NLGN1: variants seen among roughly 807,000 people sequenced by gnomAD.
NLGN1 encodes the protein neuroligin 1, also known as neuroligin-1.
Under a neutral mutation model 65.5 loss-of-function variants are expected in NLGN1, and 12 were observed. The observed-to-expected ratio is 0.18, with a 90% CI of 0.12 to 0.30. The LOEUF (loss-of-function observed/expected upper bound fraction) is 0.30, where lower values mean the gene tolerates loss of function less well. Ranked by LOEUF, NLGN1 falls within the 10% of genes least tolerant of loss-of-function variation. NLGN1 has a pLI of 1.00. For synonymous variants in NLGN1, 350 were observed against 359.5 expected (o/e 0.97, Z 0.30); for missense variants, 750 against 1,007.1 (o/e 0.74, Z 3.46).
In NLGN1 at chr3:173,479,086, T is replaced by C. The variant is rs147093180; in HGVS notation, c.-321+44008T>C. Among the ~76,000 whole-genome samples, 712 of 152,220 alleles carry C rather than the reference T, an allele frequency of 4.7e-3. 22 individuals carry two copies. The highest frequency in any genetic ancestry group is 0.042 in the Admixed American group (644 of 15,280). ...GAAATAGGTAAAACAGGATATACTA[T>C]AAAAGATGTCTGTGTTTGTTTGTTA... On this transcript the variant is annotated intron_variant, in intron 2 of 6. Coordinates refer to ENST00000457714, the Ensembl canonical transcript of NLGN1.
intron 3 of NLGN1, among the ~76,000 whole-genome samples, chr3:173,771,538 T>G (rs1779571789): frequency 6.6e-6 from 1 of 152,176 alleles, no homozygotes; most frequent in Non-Finnish European, 1.5e-5. Context: ...ACTTCTTGAG[T>G]GAACAAGTAC....
chr3:173,448,932 A>G lies in NLGN1; in HGVS notation c.-321+13854A>G, dbSNP rs1392925027. Among the ~76,000 whole-genome samples the G allele has an allele frequency of 2.0e-5, 3 of 151,730 alleles. No homozygotes were observed. In the East Asian group the frequency reaches 5.8e-4, roughly 29 times the overall value. ...CATCCCCTTTTTCATTTTTTATTGCATCTATTTGATTCTTCTCTCTTTTCT... is the reference window on the plus strand; with the variant it reads ...CATCCCCTTTTTCATTTTTTATTGCGTCTATTTGATTCTTCTCTCTTTTCT... On this transcript the variant is annotated intron_variant, in intron 2 of 6. Coordinates refer to ENST00000457714, the Ensembl canonical transcript of NLGN1.
At position 173,700,798 on chromosome 3, in the gene NLGN1, G is replaced by C. The variant is rs748397515; in HGVS notation, c.493+95707G>C. Among the ~76,000 whole-genome samples the C allele has an allele frequency of 2.6e-5, 4 of 152,132 alleles. No individual in the cohort carries two copies. In the East Asian group the frequency reaches 7.7e-4, roughly 29 times the overall value. Reference sequence around the variant, plus strand: ...AATGCTAATGTGTATGTTTGAGAGAGGCTAATAGGACTCTTAAGCTCTAGA... The same window carrying C: ...AATGCTAATGTGTATGTTTGAGAGACGCTAATAGGACTCTTAAGCTCTAGA... On this transcript the variant is annotated intron_variant, in intron 3 of 6. Transcript: ENST00000457714.
intron 4 of NLGN1, among the ~76,000 whole-genome samples, chr3:174,056,591 C>A (rs1736143329): frequency 1.3e-5 from 2 of 151,918 alleles, no homozygotes; most frequent in South Asian, 2.1e-4. Context: ...CATGGAAGTT[C>A]TCTAATACCA....
At chr3:173,853,399 T>G (rs1285613870) in intron 4 of NLGN1, among the ~76,000 whole-genome samples, 2 of 152,192 alleles carry the variant, frequency 1.3e-5, no homozygotes, top group Non-Finnish European at 2.9e-5. Context: ...TTTTATTCAA[T>G]GCTCCATTTT....
intron 4 of NLGN1, among the ~76,000 whole-genome samples, chr3:174,229,554 T>C (rs1336430966): frequency 6.6e-6 from 1 of 152,170 alleles, no homozygotes; most frequent in African/African-American, 2.4e-5. Flanking sequence ...ATTTGAACAT[T>C]GTATGCTTTC....
chr3:173,836,334 A>G (rs574106860), intron 4 of NLGN1, among the ~76,000 whole-genome samples: 6 of 152,120 alleles, frequency 3.9e-5, no homozygotes, highest in Non-Finnish European at 8.8e-5. Context: ...TCATAAAACA[A>G]TTATTCATTG....
At chr3:173,517,153 A>G (rs1007496344) in intron 2 of NLGN1, among the ~76,000 whole-genome samples, 1 of 152,074 alleles carries the variant, frequency 6.6e-6, no homozygotes, top group Non-Finnish European at 1.5e-5. Flanking sequence ...AAGTTGTTCA[A>G]AGAGGGATAT....
intron 4 of NLGN1, among the ~76,000 whole-genome samples, chr3:174,066,173 A>G (rs1388672767): frequency 6.6e-6 from 1 of 152,120 alleles, no homozygotes. Flanking sequence ...CAATACAAAT[A>G]ATTTGCAGGC....
chr3:173,750,795 T>C (rs559366360), intron 3 of NLGN1, among the ~76,000 whole-genome samples: 1 of 152,048 alleles, frequency 6.6e-6, no homozygotes, highest in African/African-American at 2.4e-5. Context: ...CTTCCTGCAG[T>C]GTACATTAAG....
chr3:173,862,406 T>G (rs1228213191), intron 4 of NLGN1, among the ~76,000 whole-genome samples: 1 of 142,850 alleles, frequency 7.0e-6, no homozygotes, highest in Non-Finnish European at 1.5e-5. Flanking sequence ...CTTGGGAGGC[T>G]GAGGCAGGAG....
chr3:174,208,272 T>G (rs1170773942), intron 4 of NLGN1, among the ~76,000 whole-genome samples: 1 of 152,208 alleles, frequency 6.6e-6, no homozygotes, highest in African/African-American at 2.4e-5. Context: ...TAGGTCAAAC[T>G]TTTATTTCAC....
intron 4 of NLGN1, among the ~76,000 whole-genome samples, chr3:173,843,309 ACATTTTTCCTATTGTCTT>A (rs373018349): frequency 0.014 from 2,181 of 152,316 alleles, 57 homozygotes; most frequent in African/African-American, 0.048. Context: ...TGCCCCGAAG[ACATTTTTCCTATTGTCTT>A]GGGGATTAGC....
At chr3:174,034,295 A>G (rs1476274175) in intron 4 of NLGN1, among the ~76,000 whole-genome samples, 3 of 151,628 alleles carry the variant, frequency 2.0e-5, no homozygotes, top group Non-Finnish European at 4.4e-5. Flanking sequence ...TTCAGCAGAC[A>G]TAAGAATGTT....
intron 4 of NLGN1, among the ~76,000 whole-genome samples, chr3:173,813,298 T>A (rs1303839235): frequency 6.6e-6 from 1 of 152,172 alleles, no homozygotes; most frequent in Admixed American, 6.5e-5. Flanking sequence ...AAAACAAAAG[T>A]CTCATACTCC....
At chr3:173,818,495 G>T (rs1320231370) in intron 4 of NLGN1, among the ~76,000 whole-genome samples, 3 of 152,020 alleles carry the variant, frequency 2.0e-5, no homozygotes, top group Non-Finnish European at 4.4e-5. Context: ...GTTTAAAAAA[G>T]CAACTGTGGA....
chr3:173,938,583 G>A (rs952821777), intron 4 of NLGN1, among the ~76,000 whole-genome samples: 3 of 152,150 alleles, frequency 2.0e-5, no homozygotes, highest in African/African-American at 4.8e-5. Context: ...CATACAAAAT[G>A]TCAAGGAGGT....
At chr3:174,130,117 G>A (rs1397056137) in intron 4 of NLGN1, among the ~76,000 whole-genome samples, 2 of 152,206 alleles carry the variant, frequency 1.3e-5, no homozygotes, top group Non-Finnish European at 2.9e-5. Context: ...GCCCTCGCCT[G>A]TAATCCCAGC....
At chr3:174,095,466 TGTG>T (rs531156248) in intron 4 of NLGN1, among the ~76,000 whole-genome samples, 396 of 147,256 alleles carry the variant, frequency 2.7e-3, no homozygotes, top group Non-Finnish European at 5.0e-3. Flanking sequence ...CAAGAGCTGA[TGTG>T]TGTGTATGCT....
Sources: allele counts gnomAD v4.1 joint callset (sites outside exome capture counted in the v4.1 genomes callset), GRCh38; gene constraint gnomAD v4.1.1; transcripts MANE v1.5; gene names NCBI Gene and HGNC (gene_info 2026-07-23, HGNC 2026-07-21).